GPR158: variants seen among roughly 807,000 people sequenced by gnomAD.
GPR158 encodes the protein metabotropic glycine receptor.
GPR158 carries 30 observed loss-of-function variants against 78.2 expected under a neutral mutation model. The observed-to-expected ratio is 0.38, with a 90% confidence interval of 0.29 to 0.52. The LOEUF (loss-of-function observed/expected upper bound fraction) is 0.52, where lower values mean the gene tolerates loss of function less well. Among genes scored for constraint, GPR158 ranks in the 20% least tolerant of loss-of-function variants. The pLI is 0.83. For missense variants in GPR158, 1,463 were observed against 1,523.5 expected (o/e 0.96, Z 0.66); for synonymous variants, 581 against 591.1 (o/e 0.98, Z 0.25).
intron 4 of GPR158, among the ~76,000 whole-genome samples, chr10:25,419,940 G>A (rs184430740): frequency 6.6e-6 from 1 of 151,960 alleles, no homozygotes; most frequent in Non-Finnish European, 1.5e-5. Flanking sequence ...ATATTATCAT[G>A]CAGACTAGTT....
intron 5 of GPR158, among the ~76,000 whole-genome samples, chr10:25,530,299 C>T (rs7077800): frequency 0.53 from 79,950 of 152,100 alleles, 21,801 homozygotes; most frequent in African/African-American, 0.68. Context: ...AATCTGGTTA[C>T]GGCACCAAGA....
At chr10:25,388,812 TG>T (rs768341300) in intron 2 of GPR158, among the ~76,000 whole-genome samples, 12 of 152,230 alleles carry the variant, frequency 7.9e-5, no homozygotes, top group Non-Finnish European at 1.5e-4. Context: ...CCCCCTCCCT[TG>T]CCCACACAGG....
At chr10:25,331,334 C>T (rs1226986360) in intron 2 of GPR158, among the ~76,000 whole-genome samples, 2 of 152,172 alleles carry the variant, frequency 1.3e-5, no homozygotes, top group African/African-American at 4.8e-5. Flanking sequence ...AAAGGGATGA[C>T]AATTCTTCCT....
At chr10:25,482,012 T>C (rs1442690171) in intron 5 of GPR158, among the ~76,000 whole-genome samples, 2 of 152,122 alleles carry the variant, frequency 1.3e-5, no homozygotes, top group Non-Finnish European at 2.9e-5. Flanking sequence ...TATAATCTGG[T>C]GCTTTGCCTT....
intron 2 of GPR158, among the ~76,000 whole-genome samples, chr10:25,300,225 A>G (rs1338628734): frequency 1.3e-5 from 2 of 152,238 alleles, no homozygotes; most frequent in African/African-American, 4.8e-5. Context: ...GGCTGTCGGA[A>G]GAATGTTTCC....
intron 5 of GPR158, among the ~76,000 whole-genome samples, chr10:25,541,798 C>T (rs941098298): frequency 6.6e-6 from 1 of 151,788 alleles, no homozygotes; most frequent in Non-Finnish European, 1.5e-5. Context: ...GGAGTGTCCT[C>T]CATCAAGGAA....
intron 2 of GPR158, among the ~76,000 whole-genome samples, chr10:25,286,097 A>G (rs1854347894): frequency 6.6e-6 from 1 of 152,064 alleles, no homozygotes; most frequent in Non-Finnish European, 1.5e-5. Flanking sequence ...TGAATATGAT[A>G]TGCCTATATG....
chr10:25,204,364 C>T (rs1249616297), intron 1 of GPR158, among the ~76,000 whole-genome samples: 1 of 152,150 alleles, frequency 6.6e-6, no homozygotes, highest in Non-Finnish European at 1.5e-5. Flanking sequence ...AGTTTTTGCC[C>T]ATTCAGTATG....
intron 2 of GPR158, among the ~76,000 whole-genome samples, chr10:25,387,175 T>C (rs959920144): frequency 3.9e-5 from 6 of 152,206 alleles, no homozygotes; most frequent in African/African-American, 1.4e-4. Context: ...TGGGTGTTTT[T>C]ATCATAAAAG....
At position 25,341,612 on chromosome 10, in the gene GPR158, A is replaced by G. The variant is rs573239950; in HGVS notation, c.1009-54299A>G. Reference sequence around the variant, plus strand: ...GTATTGCAGTGGGAGTGCCCATTACAGTATCTGGGCCACCTTATTGCCAGC... The same window carrying G: ...GTATTGCAGTGGGAGTGCCCATTACGGTATCTGGGCCACCTTATTGCCAGC... On this transcript the variant is annotated intron_variant, in intron 2 of 10. Coordinates refer to ENST00000376351, the MANE Select transcript of GPR158 (RefSeq NM_020752.3). Among the ~76,000 whole-genome samples, 3 of 152,098 alleles carry G rather than the reference A, an allele frequency of 2.0e-5. No homozygotes were observed. In the East Asian group the frequency reaches 5.8e-4, roughly 29 times the overall value.
At chr10:25,534,611 G>T (rs977685528) in intron 5 of GPR158, among the ~76,000 whole-genome samples, 1 of 151,502 alleles carries the variant, frequency 6.6e-6, no homozygotes, top group African/African-American at 2.4e-5. Context: ...AAAATTAGCT[G>T]GGTGTGGTGG....
intron 2 of GPR158, among the ~76,000 whole-genome samples, chr10:25,251,100 T>C (rs1853790687): frequency 6.6e-6 from 1 of 152,158 alleles, no homozygotes; most frequent in Admixed American, 6.5e-5. Flanking sequence ...TCTTTGTTGG[T>C]TTAAAGTCTG....
At chr10:25,392,790 C>T (rs1470878353) in intron 2 of GPR158, among the ~76,000 whole-genome samples, 1 of 151,832 alleles carries the variant, frequency 6.6e-6, no homozygotes. Flanking sequence ...GAAAATATGC[C>T]TTGCAAGTTT....
intron 2 of GPR158, among the ~76,000 whole-genome samples, chr10:25,311,279 G>A (rs925145265): frequency 5.9e-5 from 9 of 151,668 alleles, no homozygotes; most frequent in Non-Finnish European, 1.3e-4. Flanking sequence ...ACACCTTTAT[G>A]ACATTGAGCT....
chr10:25,214,481 AAAGT>A (rs1028460294), intron 1 of GPR158, among the ~76,000 whole-genome samples: 3 of 152,228 alleles, frequency 2.0e-5, no homozygotes, highest in African/African-American at 7.2e-5. Flanking sequence ...AAAATTATCA[AAAGT>A]AAGGAGCTAA....
intron 10 of GPR158, 112 bp from the exon 11 acceptor site, chr10:25,597,660 C>T: frequency 3.0e-6 from 2 of 664,578 alleles, no homozygotes; most frequent in East Asian, 5.8e-5. Flanking sequence ...AGCTGTAGAG[C>T]AGTTGCCCCA....
chr10:25,483,379 C>A (rs182102784), intron 5 of GPR158, among the ~76,000 whole-genome samples: 6 of 152,134 alleles, frequency 3.9e-5, no homozygotes, highest in East Asian at 3.9e-4. Flanking sequence ...TTTCCTCCCC[C>A]CTTTCATGTC....
intron 3 of GPR158, among the ~76,000 whole-genome samples, chr10:25,397,748 G>T (rs1834381793): frequency 6.6e-6 from 1 of 152,138 alleles, no homozygotes; most frequent in Admixed American, 6.5e-5. Flanking sequence ...GGCCTCCCAG[G>T]TTCTGCTTCC....
intron 6 of GPR158, among the ~76,000 whole-genome samples, chr10:25,569,540 C>T (rs926457752): frequency 1.7e-4 from 26 of 152,260 alleles, no homozygotes; most frequent in African/African-American, 6.0e-4. Flanking sequence ...ATGAAAACTC[C>T]TTGCCTTAAC....
Sources: gnomAD v4.1 joint callset for allele counts (sites outside exome capture counted in the v4.1 genomes callset) on GRCh38, gnomAD v4.1.1 for gene constraint, MANE v1.5 for transcripts, NCBI Gene and HGNC (gene_info 2026-07-23, HGNC 2026-07-21) for gene names.